MOXD1: variants seen among roughly 807,000 people sequenced by gnomAD.
The protein encoded by MOXD1 is monooxygenase DBH like 1.
A neutral mutation model predicts 66.6 loss-of-function variants in MOXD1; 62 were observed. The ratio of observed to expected loss-of-function variants is 0.93; its 90% CI spans 0.76 to 1.15. MOXD1 has a LOEUF of 1.15. Ranked by LOEUF, MOXD1 falls within the 50% of genes most tolerant of loss-of-function variation. The pLI, the probability that MOXD1 is intolerant of heterozygous loss-of-function variation, is 0.00. For missense variants in MOXD1, 847 were observed against 754.6 expected (o/e 1.12, Z -1.44); for synonymous variants, 303 against 281.9 (o/e 1.07, Z -0.75).
chr6:132,317,569 G>A (rs1774986202), intron 9 of MOXD1, among the ~76,000 whole-genome samples: 1 of 152,126 alleles, frequency 6.6e-6, no homozygotes. Flanking sequence ...GTACACAGCT[G>A]TGAGCTATCA....
At chr6:132,327,550 T>C (rs918563192) in intron 6 of MOXD1, among the ~76,000 whole-genome samples, 1 of 152,224 alleles carries the variant, frequency 6.6e-6, no homozygotes, top group Non-Finnish European at 1.5e-5. Context: ...TTCAATATCA[T>C]ATTACACGGT....
Position 132,297,247 on chromosome 6 carries a change from G to A in MOXD1, c.1748C>T (p.Thr583Met), listed in dbSNP as rs755684624. The change falls in exon 12 of 12, where the codon ACG becomes ATG. Residue 583 changes from threonine to methionine, a missense_variant. By Grantham distance (81) the Thr-to-Met change is moderately conservative. Transcript: ENST00000367963. ...PYKAEPLVCG[T>M]SSSSSLHRDF... Reference sequence around the variant, plus strand: ...TCTGTGCAGGGAAGAGGAAGAAGACGTGCCACACACCAAAGGTTCTGCTTT... The same window carrying A: ...TCTGTGCAGGGAAGAGGAAGAAGACATGCCACACACCAAAGGTTCTGCTTT... 3.2e-5 allele frequency: 52 copies of A among 1,613,476 alleles called. 2 individuals carry two copies. In the South Asian group the frequency reaches 4.1e-4, roughly 13 times the overall value.
At position 132,347,108 on chromosome 6, in the gene MOXD1, C is replaced by T. The variant is rs940589050; in HGVS notation, c.664-18514G>A. Among the ~76,000 whole-genome samples the T allele has an allele frequency of 8.5e-5, 13 of 152,232 alleles. 1 individual carries two copies. The highest frequency in any genetic ancestry group is 6.2e-4 in the South Asian group (3 of 4,818). On this transcript the variant is annotated intron_variant, in intron 4 of 11. Coordinates refer to ENST00000367963, the MANE Select transcript of MOXD1 (RefSeq NM_015529.4). ...CAAGTTATCACATTTAATCTTTATA[C>T]GACACTGAGACTGGTATTACTGTCT...
At chr6:132,303,829 GTGTGTGTATA>G (rs1408679926) in intron 10 of MOXD1, among the ~76,000 whole-genome samples, 37 of 70,598 alleles carry the variant, frequency 5.2e-4, no homozygotes, top group African/African-American at 1.6e-3. Context: ...GTGTGTGTGT[GTGTGTGTATA>G]TATATATATA....
chr6:132,340,638 A>ATTTTTTTT lies in MOXD1; in HGVS notation c.664-12052_664-12045dup, dbSNP rs869205496. On this transcript the variant is annotated intron_variant, in intron 4 of 11. Coordinates refer to ENST00000367963, the MANE Select transcript of MOXD1 (RefSeq NM_015529.4). Reference sequence around the variant, plus strand: ...ACAACATGCTAAAACAACAAGACTCATTTTTTTTTTTTTTTTTTTTTTTTT... The same window carrying ATTTTTTTT: ...ACAACATGCTAAAACAACAAGACTCATTTTTTTTTTTTTTTTTTTTTTTTTTTTTTTTT... Among the ~76,000 whole-genome samples the ATTTTTTTT allele has an allele frequency of 1.0e-3, 101 of 98,778 alleles. 7 individuals carry two copies. The highest frequency in any genetic ancestry group is 5.5e-3 in the Middle Eastern group (1 of 182). 64.8% of individuals were successfully genotyped at this position (98,778 alleles called of 152,430 possible). A position where few individuals can be genotyped will look rare whatever the true frequency, so the allele number is the denominator to read the frequency against.
At chr6:132,343,925 C>T (rs573129175) in intron 4 of MOXD1, among the ~76,000 whole-genome samples, 2 of 152,034 alleles carry the variant, frequency 1.3e-5, no homozygotes, top group African/African-American at 4.8e-5. Flanking sequence ...ATAGTGTTAT[C>T]CTATCAGGAT....
chr6:132,320,512 C>A, intron 9 of MOXD1, 117 bp downstream of exon 9: 4 of 859,464 alleles, frequency 4.7e-6, no homozygotes, highest in East Asian at 2.7e-5. Flanking sequence ...ACTTGATACT[C>A]AAGATTTTTA....
intron 1 of MOXD1, among the ~76,000 whole-genome samples, chr6:132,398,126 C>T (rs901999387): frequency 2.6e-5 from 4 of 152,214 alleles, no homozygotes; most frequent in Non-Finnish European, 5.9e-5. Flanking sequence ...TTATCTCCCA[C>T]TTATAAGTGA....
At chr6:132,392,331 C>G (rs1292897729) in intron 1 of MOXD1, 1 of 1,568,124 alleles carries the variant, frequency 6.4e-7, no homozygotes. Flanking sequence ...GTTTCAGCCT[C>G]CATTCACCAG....
rs770748736 is a variant in MOXD1, at chr6:132,401,308, C to T, written c.119G>A (p.Gly40Asp). 6.3e-7 allele frequency: 1 copy of T among 1,595,420 alleles called. No individual in the cohort carries two copies. The highest frequency in any genetic ancestry group is 2.3e-5 in the East Asian group (1 of 43,970). The change falls in exon 1 of 12, where the codon GGC becomes GAC. Residue 40 changes from glycine (G) to aspartate (D), a missense_variant. Physicochemically the swap from Gly to Asp is moderately conservative, Grantham distance 94 (BLOSUM62 -1). Coordinates refer to ENST00000367963, the MANE Select transcript of MOXD1 (RefSeq NM_015529.4). ...LLDSEGKYWLGWSQRGSQIAF... is the reference protein window; with the variant it reads ...LLDSEGKYWLDWSQRGSQIAF... ...GATCTGGCTGCCCCGCTGGCTCCAG[C>T]CCAGCCAGTACTTGCCCTCCGAGTC...
intron 1 of MOXD1, among the ~76,000 whole-genome samples, chr6:132,399,699 G>T (rs1776976422): frequency 6.6e-6 from 1 of 152,186 alleles, no homozygotes; most frequent in Non-Finnish European, 1.5e-5. Flanking sequence ...CATAGTAAGA[G>T]TTATGCTCCC....
intron 1 of MOXD1, among the ~76,000 whole-genome samples, chr6:132,380,788 A>C (rs1308789449): frequency 2.6e-5 from 4 of 152,224 alleles, no homozygotes; most frequent in Non-Finnish European, 4.4e-5. Context: ...ATATTTACAC[A>C]TGGTTAAGAC....
At chr6:132,314,639 C>T (rs1452947061) in intron 10 of MOXD1, among the ~76,000 whole-genome samples, 1 of 152,098 alleles carries the variant, frequency 6.6e-6, no homozygotes, top group African/African-American at 2.4e-5. Context: ...TACACTGGCT[C>T]TTTCCTGTGC....
At position 132,395,658 on chromosome 6, in the gene MOXD1, T is replaced by G. The variant is rs540533881; in HGVS notation, c.264+5505A>C. Among the ~76,000 whole-genome samples, 7 of 152,242 alleles carry G rather than the reference T, an allele frequency of 4.6e-5. No homozygotes were observed. In the South Asian group the frequency reaches 1.5e-3, roughly 32 times the overall value. On this transcript the variant is annotated intron_variant, in intron 1 of 11. Transcript: ENST00000367963. Reference sequence around the variant, plus strand: ...TCATCTCACCTGTAAAGCCATATACTAACTGAAATTAAAGGATGGGAAAAG... The same window carrying G: ...TCATCTCACCTGTAAAGCCATATACGAACTGAAATTAAAGGATGGGAAAAG...
intron 4 of MOXD1, among the ~76,000 whole-genome samples, chr6:132,330,344 C>T (rs185912327): frequency 2.0e-5 from 3 of 152,132 alleles, no homozygotes; most frequent in Admixed American, 1.3e-4. Context: ...CATAGGAGTG[C>T]GAATCTTATT....
chr6:132,332,597 G>A (rs1263187160), intron 4 of MOXD1, among the ~76,000 whole-genome samples: 18 of 152,118 alleles, frequency 1.2e-4, no homozygotes, highest in Admixed American at 1.2e-3. Flanking sequence ...TTGTTTAGTG[G>A]AGGGTACAAC....
At chr6:132,380,513 T>C (rs1156417847) in intron 1 of MOXD1, among the ~76,000 whole-genome samples, 1 of 152,228 alleles carries the variant, frequency 6.6e-6, no homozygotes, top group Non-Finnish European at 1.5e-5. Context: ...CATGATTCTA[T>C]TTCCCCTATG....
intron 10 of MOXD1, among the ~76,000 whole-genome samples, chr6:132,315,377 C>T (rs1330840201): frequency 6.6e-6 from 1 of 152,142 alleles, no homozygotes; most frequent in African/African-American, 2.4e-5. Flanking sequence ...ATGCTTTCAC[C>T]ATATTCATGT....
chr6:132,338,749 T>C lies in MOXD1; in HGVS notation c.664-10155A>G, dbSNP rs150424451. On this transcript the variant is annotated intron_variant, in intron 4 of 11. Transcript: ENST00000367963. Reference sequence around the variant, plus strand: ...GGGTTTGATTCTTGCTTTATTATTTTCTATCTCTATTTCTTTGTTTAACTT... The same window carrying C: ...GGGTTTGATTCTTGCTTTATTATTTCCTATCTCTATTTCTTTGTTTAACTT... 2.4e-3 allele frequency among the ~76,000 whole-genome samples: 360 copies of C among 152,350 alleles called. 1 individual carries two copies. The highest frequency in any genetic ancestry group is 8.2e-3 in the African/African-American group (340 of 41,578).
Sources: allele counts gnomAD v4.1 joint callset (sites outside exome capture counted in the v4.1 genomes callset), GRCh38; gene constraint gnomAD v4.1.1; transcripts MANE v1.5; gene names NCBI Gene and HGNC (gene_info 2026-07-23, HGNC 2026-07-21).